Variants in VRK2 observed in about 807,000 individuals in gnomAD.
VRK2 encodes serine/threonine-protein kinase VRK2.
In VRK2, 60 loss-of-function variants were observed where a neutral mutation model predicts 57.6. That is an observed-to-expected ratio of 1.04 (90% CI 0.85 to 1.29). VRK2 has a LOEUF of 1.29. VRK2 is among the 50% of genes most tolerant of loss of function. The pLI, the probability that VRK2 is intolerant of heterozygous loss-of-function variation, is 0.00. For synonymous variants in VRK2, 231 were observed against 199.2 expected, an observed-to-expected ratio of 1.16 and a Z score of -1.35; for missense variants, 705 against 588.1, an observed-to-expected ratio of 1.20 and a Z score of -2.06.
At chr2:58,117,595 A>G (rs1414065377) in intron 7 of VRK2, among the ~76,000 whole-genome samples, 5 of 151,364 alleles carry the variant, frequency 3.3e-5, no homozygotes, top group Admixed American at 1.3e-4. Flanking sequence ...AGAGACTAGG[A>G]AGGGACTGAT....
At chr2:57,998,254 C>T (rs1431058365) in intron 1 of VRK2, among the ~76,000 whole-genome samples, 1 of 152,080 alleles carries the variant, frequency 6.6e-6, no homozygotes, top group Non-Finnish European at 1.5e-5. Flanking sequence ...TATCATGTTT[C>T]CACCCTATCC....
intron 9 of VRK2, among the ~76,000 whole-genome samples, chr2:58,133,419 A>T (rs1679503831): frequency 6.6e-6 from 1 of 152,230 alleles, no homozygotes. Flanking sequence ...GATAAACCAT[A>T]GACATTTTCA....
chr2:57,947,288 C>G (rs796814023), intron 1 of VRK2, among the ~76,000 whole-genome samples: 14 of 152,232 alleles, frequency 9.2e-5, no homozygotes, highest in African/African-American at 2.9e-4. Flanking sequence ...TGATTCCCTT[C>G]AGGAATATAT....
chr2:58,083,202 G>T (rs1671146437), intron 2 of VRK2, among the ~76,000 whole-genome samples: 1 of 151,548 alleles, frequency 6.6e-6, no homozygotes, highest in Admixed American at 6.6e-5. Context: ...ACAGTGCCTG[G>T]CATATTCTAG....
At chr2:58,129,669 A>G (rs1371424166) in intron 8 of VRK2, among the ~76,000 whole-genome samples, 3 of 152,224 alleles carry the variant, frequency 2.0e-5, no homozygotes, top group Admixed American at 1.3e-4. Context: ...CTCTGTGTAC[A>G]GTAGATGGAA....
chr2:58,133,265 A>C (rs922141543), intron 9 of VRK2, among the ~76,000 whole-genome samples: 2 of 152,108 alleles, frequency 1.3e-5, no homozygotes, highest in African/African-American at 4.8e-5. Context: ...ATTATTTTAC[A>C]TGTATAATGC....
intron 1 of VRK2, among the ~76,000 whole-genome samples, chr2:57,927,851 T>C (rs1344381287): frequency 1.3e-5 from 2 of 152,220 alleles, no homozygotes; most frequent in African/African-American, 2.4e-5. Context: ...TTCAGCACTT[T>C]AAATACATCA....
At chr2:57,929,094 C>T (rs1670635719) in intron 1 of VRK2, among the ~76,000 whole-genome samples, 1 of 152,188 alleles carries the variant, frequency 6.6e-6, no homozygotes, top group African/African-American at 2.4e-5. Context: ...AAGAGCTCTA[C>T]AATCCGCAGG....
At chr2:57,961,451 T>C (rs1671755564) in intron 1 of VRK2, among the ~76,000 whole-genome samples, 1 of 152,122 alleles carries the variant, frequency 6.6e-6, no homozygotes, top group African/African-American at 2.4e-5. Flanking sequence ...AAAATATATA[T>C]AATGTAAGCC....
chr2:58,050,684 T>C (rs1415625210), intron 2 of VRK2, among the ~76,000 whole-genome samples: 2 of 152,242 alleles, frequency 1.3e-5, no homozygotes, highest in African/African-American at 4.8e-5. Context: ...TAAGATTAAA[T>C]AGTGTATGTC....
intron 1 of VRK2, among the ~76,000 whole-genome samples, chr2:57,945,926 T>C (rs1204344894): frequency 6.6e-6 from 1 of 152,210 alleles, no homozygotes; most frequent in Non-Finnish European, 1.5e-5. Context: ...TGATTTAAAA[T>C]AGTAGTTCTT....
At chr2:58,147,063 A>G (rs1160729306) in intron 12 of VRK2, 21 of 464,300 alleles carry the variant, frequency 4.5e-5, no homozygotes, top group South Asian at 1.8e-4. Context: ...TTTATACACC[A>G]TCATTTCCCC....
At chr2:58,014,974 A>G (rs1673531899) in intron 1 of VRK2, among the ~76,000 whole-genome samples, 1 of 152,158 alleles carries the variant, frequency 6.6e-6, no homozygotes, top group Non-Finnish European at 1.5e-5. Flanking sequence ...AATCCACTTC[A>G]GATTTCTGAC....
chr2:58,141,431 C>T (rs934259272), intron 11 of VRK2, among the ~76,000 whole-genome samples: 1 of 151,840 alleles, frequency 6.6e-6, no homozygotes, highest in African/African-American at 2.4e-5. Context: ...GAACATAAAA[C>T]ACTTTTTCCA....
At chr2:58,101,053 G>T (rs540425510) in intron 7 of VRK2, among the ~76,000 whole-genome samples, 1 of 150,378 alleles carries the variant, frequency 6.6e-6, no homozygotes, top group Non-Finnish European at 1.5e-5. Flanking sequence ...TGGGCTACTA[G>T]AGTCTTATTA....
intron 3 of VRK2, among the ~76,000 whole-genome samples, chr2:58,039,553 T>C (rs762448181): frequency 6.6e-6 from 1 of 152,148 alleles, no homozygotes; most frequent in African/African-American, 2.4e-5. Context: ...CTCCTTGTCT[T>C]TCCCCAACTC....
chr2:57,929,385 T>C (rs1670645530), intron 1 of VRK2, among the ~76,000 whole-genome samples: 1 of 152,158 alleles, frequency 6.6e-6, no homozygotes, highest in East Asian at 1.9e-4. Flanking sequence ...CAGTGTTCAC[T>C]CAAGGCCCAC....
intron 1 of VRK2, among the ~76,000 whole-genome samples, chr2:57,915,809 G>C (rs1466230611): frequency 3.3e-5 from 5 of 152,152 alleles, no homozygotes; most frequent in African/African-American, 1.2e-4. Flanking sequence ...GTGAGTGGTG[G>C]GCAAGCCAGC....
At chr2:58,084,261 T>G in intron 3 of VRK2, 123 bp downstream of exon 3, 2 of 988,750 alleles carry the variant, frequency 2.0e-6, no homozygotes, top group Non-Finnish European at 2.8e-6. Context: ...TGTTATCATC[T>G]GTTTTGACGT....
Sources: gnomAD v4.1 joint callset for allele counts (sites outside exome capture counted in the v4.1 genomes callset) on GRCh38, gnomAD v4.1.1 for gene constraint, MANE v1.5 for transcripts, NCBI Gene and HGNC (gene_info 2026-07-23, HGNC 2026-07-21) for gene names.